The following NSL1 variants were observed in gnomAD, a reference collection of about 807,000 sequenced individuals.
NSL1 encodes kinetochore-associated protein NSL1 homolog.
In NSL1, 11 loss-of-function variants were observed where a neutral mutation model predicts 25.4. The observed-to-expected ratio is 0.43, with a 90% confidence interval of 0.27 to 0.72. NSL1 has a LOEUF of 0.72. Ranked by LOEUF, NSL1 falls within the 30% of genes least tolerant of loss-of-function variation. The pLI, the probability that NSL1 is intolerant of heterozygous loss-of-function variation, is 0.19. For synonymous variants in NSL1, 118 were observed against 120.6 expected (o/e 0.98, Z 0.14); for missense variants, 330 against 342.7 (o/e 0.96, Z 0.29).
At position 212,760,197 on chromosome 1, in the gene NSL1, A is replaced by G. The variant is rs1659500166; in HGVS notation, c.500-20596T>C. Among the ~76,000 whole-genome samples the G allele has an allele frequency of 6.6e-6, 1 of 152,096 alleles. No homozygotes were observed. The highest frequency in any genetic ancestry group is 6.5e-5 in the Admixed American group (1 of 15,278). On this transcript the variant is annotated intron_variant, in intron 4 of 5. Transcript: ENST00000366977. This position sits in a 1 kb window ranked among gnomAD's most constrained non-coding sequence, Gnocchi z 4.3. ...TAACAGCAGGTCCAGCCTGTGGGCC[A>G]CTGGTACCTGAGCACACTAACCAAG...
At chr1:212,772,688 AAAAG>A (rs1558057327) in intron 4 of NSL1, among the ~76,000 whole-genome samples, 2 of 149,756 alleles carry the variant, frequency 1.3e-5, no homozygotes, top group Admixed American at 6.7e-5. Context: ...AAAAAAGAAA[AAAAG>A]AAAGAAAGAA....
chr1:212,781,994 G>T, intron 4 of NSL1: 1 of 505,000 alleles, frequency 2.0e-6, no homozygotes, highest in South Asian at 1.5e-5. Context: ...AACCAATGAT[G>T]GTTACTGCAC....
At chr1:212,768,904 C>G (rs1269434823) in intron 4 of NSL1, among the ~76,000 whole-genome samples, 2 of 151,914 alleles carry the variant, frequency 1.3e-5, no homozygotes, top group African/African-American at 4.8e-5. Context: ...CTAGATCTAG[C>G]AGAATAAAGA....
Position 212,727,814 on chromosome 1 carries a change from T to C in NSL1, c.*10594A>G. 1.0e-6 allele frequency: 1 copy of C among 983,352 alleles called. No homozygotes were observed. The highest frequency in any genetic ancestry group is 5.2e-4 in the Middle Eastern group (1 of 1,908). 60.9% of individuals were successfully genotyped at this position (983,352 alleles called of 1,614,324 possible). A position where few individuals can be genotyped will look rare whatever the true frequency, so the allele number is the denominator to read the frequency against. ...CTTTGAGCACTTTCTTAGACACTAG[T>C]ATTACATAGTAATATTCACTATTCG... is the stretch of plus-strand genomic sequence containing the variant. On this transcript the variant is annotated 3_prime_UTR_variant, in exon 6 of 6. Transcript: ENST00000366977.
At chr1:212,773,185 G>T (rs1400061573) in intron 4 of NSL1, among the ~76,000 whole-genome samples, 2 of 152,148 alleles carry the variant, frequency 1.3e-5, no homozygotes, top group East Asian at 3.8e-4. Context: ...AGACAAATGG[G>T]ATTACATCAA....
intron 4 of NSL1, among the ~76,000 whole-genome samples, chr1:212,781,600 A>C (rs1162408936): frequency 1.3e-5 from 2 of 152,208 alleles, no homozygotes; most frequent in Non-Finnish European, 2.9e-5. Flanking sequence ...GAACATATTA[A>C]AGAGTAGTTC....
intron 4 of NSL1, among the ~76,000 whole-genome samples, chr1:212,742,794 A>T (rs533160756): frequency 6.6e-6 from 1 of 152,328 alleles, no homozygotes; most frequent in East Asian, 1.9e-4. Context: ...AACATTTTAA[A>T]TCTTCACATA....
rs1321032335 is a variant in NSL1, at chr1:212,791,670, G to A, written c.94C>T (p.Pro32Ser). ...CAGCGCACCCGAAAGTCTTCTCGGGGAGTGGCGGAGACCAAGGCCTGGCTC... is the reference window on the plus strand; with the variant it reads ...CAGCGCACCCGAAAGTCTTCTCGGGAAGTGGCGGAGACCAAGGCCTGGCTC... ...TESQALVSAT[P>S]REDFRVRCTS... The change falls in exon 1 of 6, where the codon CCC (proline) becomes TCC (serine). Residue 32 changes from proline (P) to serine (S), a missense_variant. By Grantham distance (74) the Pro-to-Ser change is moderately conservative. Transcript: ENST00000366977. The A allele has an allele frequency of 6.2e-7, 1 of 1,613,954 alleles. No homozygotes were observed. The highest frequency in any genetic ancestry group is 2.2e-5 in the East Asian group (1 of 44,890).
At chr1:212,741,760 G>C (rs1368718618) in intron 4 of NSL1, among the ~76,000 whole-genome samples, 1 of 152,130 alleles carries the variant, frequency 6.6e-6, no homozygotes, top group Non-Finnish European at 1.5e-5. Flanking sequence ...TAATACAGCT[G>C]AGCAGTAGGT....
In NSL1 at chr1:212,734,907, G is replaced by C. The variant is rs897850754; in HGVS notation, c.*3501C>G. Among the ~76,000 whole-genome samples, 1 of 152,190 alleles carries C rather than the reference G, an allele frequency of 6.6e-6. No individual in the cohort carries two copies. Among genetic ancestry groups the C allele is most frequent in the Admixed American group, 6.5e-5 (1 of 15,278 alleles). Reference sequence around the variant, plus strand: ...CCTTCCTGAAGGCAACACTTGTCCTGAGTGTTTTCATTTCCTTTATCAAAA... The same window carrying C: ...CCTTCCTGAAGGCAACACTTGTCCTCAGTGTTTTCATTTCCTTTATCAAAA... On this transcript the variant is annotated 3_prime_UTR_variant, in exon 6 of 6. Transcript: ENST00000366977.
chr1:212,787,764 ATATC>A (rs1661004448), intron 1 of NSL1, 127 bp from the exon 2 acceptor site: 2 of 520,618 alleles, frequency 3.8e-6, no homozygotes, highest in Non-Finnish European at 6.8e-6. Flanking sequence ...GCTAATTAGT[ATATC>A]TATTCTTTTC....
In NSL1 at chr1:212,729,360, T is replaced by C; in HGVS notation, c.*9048A>G. The C allele has an allele frequency of 2.0e-6, 2 of 981,630 alleles. No homozygotes were observed. Among genetic ancestry groups the C allele is most frequent in the Non-Finnish European group, 2.4e-6 (2 of 826,482 alleles). The allele number at this position is 981,630 out of a possible 1,614,324, so 60.8% of individuals were successfully genotyped here. A position where few individuals can be genotyped will look rare whatever the true frequency, so the allele number is the denominator to read the frequency against. ...CTTGTGGGCAGGGTCTGTGCCTTGGTTTACAGGTGTACATCCACACAGCTC... is the reference window on the plus strand; with the variant it reads ...CTTGTGGGCAGGGTCTGTGCCTTGGCTTACAGGTGTACATCCACACAGCTC... On this transcript the variant is annotated 3_prime_UTR_variant, in exon 6 of 6. Transcript: ENST00000366977.
At chr1:212,757,265 T>C (rs1659359517) in intron 4 of NSL1, among the ~76,000 whole-genome samples, 1 of 152,062 alleles carries the variant, frequency 6.6e-6, no homozygotes, top group Admixed American at 6.6e-5. Context: ...GGGGACCATA[T>C]CATTGAGGGC....
Position 212,738,572 on chromosome 1 carries a change from G to A in NSL1, c.682C>T (p.Pro228Ser). The A allele has an allele frequency of 6.2e-7, 1 of 1,614,128 alleles. No homozygotes were observed. The highest frequency in any genetic ancestry group is 8.5e-7 in the Non-Finnish European group (1 of 1,180,008). The change falls in exon 6 of 6, where the codon CCA becomes TCA. Residue 228 changes from proline to serine, a missense_variant. By Grantham distance (74) the Pro-to-Ser change is moderately conservative. Transcript: ENST00000366977. ...QEVFSSCHRKPDAKPENFITQ... is the reference protein window; with the variant it reads ...QEVFSSCHRKSDAKPENFITQ... ...ATAAAGTTCTCAGGTTTAGCATCTGGTTTCCTATGACAACTGGAAAAGACT... is the reference window on the plus strand; with the variant it reads ...ATAAAGTTCTCAGGTTTAGCATCTGATTTCCTATGACAACTGGAAAAGACT...
chr1:212,747,115 C>G (rs1558043030), intron 4 of NSL1, among the ~76,000 whole-genome samples: 1 of 145,650 alleles, frequency 6.9e-6, no homozygotes, highest in East Asian at 2.0e-4. Context: ...GCACTCCAGC[C>G]TGGGCGACAG....
At chr1:212,746,271 A>T (rs143951193) in intron 4 of NSL1, among the ~76,000 whole-genome samples, 1 of 152,168 alleles carries the variant, frequency 6.6e-6, no homozygotes, top group Non-Finnish European at 1.5e-5. Context: ...ATGACAACAT[A>T]AAGGGGGAGA....
intron 4 of NSL1, among the ~76,000 whole-genome samples, chr1:212,761,898 TC>T (rs991959208): frequency 1.3e-5 from 2 of 151,086 alleles, no homozygotes; most frequent in Non-Finnish European, 2.9e-5. Flanking sequence ...TCTTTTGGCT[TC>T]CCTAAGCCAC....
At position 212,730,402 on chromosome 1, in the gene NSL1, A is replaced by G. The variant is rs904766357; in HGVS notation, c.*8006T>C. The G allele has an allele frequency of 1.5e-4, 149 of 985,332 alleles. No individual in the cohort carries two copies. In the African/African-American group the frequency reaches 2.4e-3, roughly 16 times the overall value. 61.0% of individuals were successfully genotyped at this position (985,332 alleles called of 1,614,324 possible). A position where few individuals can be genotyped will look rare whatever the true frequency, so the allele number is the denominator to read the frequency against. ...TCATTGTAGAAGATGTGGGCCACAG[A>G]GCTACATGAATGGGCACCAAGGGAG... On this transcript the variant is annotated 3_prime_UTR_variant, in exon 6 of 6. Transcript: ENST00000366977.
chr1:212,767,881 A>C (rs1306942879), intron 4 of NSL1, among the ~76,000 whole-genome samples: 2 of 152,212 alleles, frequency 1.3e-5, no homozygotes, highest in Non-Finnish European at 2.9e-5. Context: ...ATACCACTTT[A>C]CTCCTGCAAG....
Sources: allele counts gnomAD v4.1 joint callset (sites outside exome capture counted in the v4.1 genomes callset), GRCh38; gene constraint gnomAD v4.1.1; non-coding constraint Gnocchi (gnomAD v3.1); transcripts MANE v1.5; gene names NCBI Gene and HGNC (gene_info 2026-07-23, HGNC 2026-07-21).